Variants in GPC6 observed in about 807,000 individuals in gnomAD.
The protein encoded by GPC6 is glypican-6.
A neutral mutation model predicts 55.2 loss-of-function variants in GPC6; 14 were observed. That is an observed-to-expected ratio of 0.25 (90% CI 0.17 to 0.40). The LOEUF (loss-of-function observed/expected upper bound fraction) is 0.40. GPC6 is among the 10% of genes least tolerant of loss of function. GPC6 has a pLI of 1.00. For synonymous variants in GPC6, 278 were observed against 259.6 expected, an observed-to-expected ratio of 1.07 and a Z score of -0.68; for missense variants, 641 against 708.5, an observed-to-expected ratio of 0.90 and a Z score of 1.08.
intron 4 of GPC6, among the ~76,000 whole-genome samples, chr13:94,129,180 T>C (rs1886928359): frequency 6.6e-6 from 1 of 152,114 alleles, no homozygotes; most frequent in South Asian, 2.1e-4. Context: ...GAACAAACAA[T>C]ATAAATTGAA....
At chr13:94,226,205 T>G (rs939912745) in intron 4 of GPC6, among the ~76,000 whole-genome samples, 3 of 152,156 alleles carry the variant, frequency 2.0e-5, no homozygotes, top group African/African-American at 7.2e-5. Flanking sequence ...AGCAAGTTTA[T>G]ATACATAAAT....
chr13:94,112,587 G>A lies in GPC6; in HGVS notation c.877+84693G>A, dbSNP rs1162168367. ...AAGGACAGTGACAGCCTGGAAAATT[G>A]CATATTCTTTTCTTTTAGAATTTGC... On this transcript the variant is annotated intron_variant, in intron 4 of 8. Transcript: ENST00000377047. 2.0e-5 allele frequency among the ~76,000 whole-genome samples: 3 copies of A among 152,096 alleles called. No individual in the cohort carries two copies. In the East Asian group the frequency reaches 5.8e-4, roughly 29 times the overall value.
At chr13:93,364,122 A>G (rs1189021013) in intron 1 of GPC6, among the ~76,000 whole-genome samples, 1 of 152,184 alleles carries the variant, frequency 6.6e-6, no homozygotes, top group African/African-American at 2.4e-5. Flanking sequence ...TTTGCTGTGC[A>G]GAAGCTCTTT....
At chr13:94,345,490 T>G (rs1396780910) in intron 6 of GPC6, among the ~76,000 whole-genome samples, 2 of 152,232 alleles carry the variant, frequency 1.3e-5, no homozygotes, top group Non-Finnish European at 2.9e-5. Flanking sequence ...CATCTACTTT[T>G]ATTTAGGGCT....
chr13:94,369,559 A>G (rs1374819095), intron 6 of GPC6, among the ~76,000 whole-genome samples: 8 of 152,246 alleles, frequency 5.3e-5, no homozygotes, highest in Admixed American at 5.2e-4. Context: ...TGAGGATTGC[A>G]AAGACCCTTT....
intron 1 of GPC6, among the ~76,000 whole-genome samples, chr13:93,429,192 A>G (rs1877262014): frequency 6.6e-6 from 1 of 152,128 alleles, no homozygotes; most frequent in Non-Finnish European, 1.5e-5. Flanking sequence ...TCCTAAAGCT[A>G]ATTCCGCTTA....
chr13:94,104,795 G>A (rs1035711262), intron 4 of GPC6, among the ~76,000 whole-genome samples: 3 of 152,098 alleles, frequency 2.0e-5, no homozygotes, highest in Admixed American at 2.0e-4. Flanking sequence ...AACTACAAAC[G>A]GCTGCTCAAC....
chr13:93,998,247 A>G (rs1047315526), intron 3 of GPC6, among the ~76,000 whole-genome samples: 3 of 152,158 alleles, frequency 2.0e-5, no homozygotes, highest in Non-Finnish European at 2.9e-5. Context: ...AATATAGTAA[A>G]CTAAGAGTTG....
Position 93,369,433 on chromosome 13 carries a change from C to T in GPC6, c.160+141817C>T, listed in dbSNP as rs573247624. Reference sequence around the variant, plus strand: ...CAATAAAACAGCAATCCTAAATGTTCGTGTATCAATAATAGGATACTTTTA... The same window carrying T: ...CAATAAAACAGCAATCCTAAATGTTTGTGTATCAATAATAGGATACTTTTA... On this transcript the variant is annotated intron_variant, in intron 1 of 8. Coordinates refer to ENST00000377047, the MANE Select transcript of GPC6 (RefSeq NM_005708.5). 1.1e-4 allele frequency among the ~76,000 whole-genome samples: 16 copies of T among 152,138 alleles called. No individual in the cohort carries two copies. The South Asian group carries it at 1.9e-3, about 18-fold the overall frequency.
At chr13:93,672,009 A>C (rs777889102) in intron 2 of GPC6, among the ~76,000 whole-genome samples, 27 of 152,124 alleles carry the variant, frequency 1.8e-4, no homozygotes, top group Non-Finnish European at 3.2e-4. Context: ...AATTAGTTTA[A>C]TTACTCCCAT....
intron 2 of GPC6, among the ~76,000 whole-genome samples, chr13:93,590,584 C>T (rs142937385): frequency 2.0e-5 from 3 of 151,722 alleles, no homozygotes; most frequent in Admixed American, 6.6e-5. Context: ...TATTTCTTTT[C>T]GATAACAATA....
At chr13:94,300,377 G>A (rs1875585553) in intron 5 of GPC6, among the ~76,000 whole-genome samples, 1 of 152,088 alleles carries the variant, frequency 6.6e-6, no homozygotes, top group Non-Finnish European at 1.5e-5. Flanking sequence ...ATTTTTAAAG[G>A]AAAAATACTT....
At chr13:94,196,651 A>AC (rs1261709289) in intron 4 of GPC6, among the ~76,000 whole-genome samples, 6 of 152,138 alleles carry the variant, frequency 3.9e-5, no homozygotes, top group Admixed American at 6.5e-5. Flanking sequence ...GAAGAGTTTT[A>AC]CCCAAGTGAT....
chr13:93,330,531 A>C (rs1879807863), intron 1 of GPC6, among the ~76,000 whole-genome samples: 1 of 152,154 alleles, frequency 6.6e-6, no homozygotes, highest in Admixed American at 6.5e-5. Context: ...GTTTCAAAAA[A>C]AAAAAATGCT....
chr13:93,674,209 A>G (rs1881486635), intron 2 of GPC6, among the ~76,000 whole-genome samples: 1 of 152,132 alleles, frequency 6.6e-6, no homozygotes, highest in Non-Finnish European at 1.5e-5. Context: ...TTATTTACTA[A>G]ACACTATTGG....
At chr13:93,923,117 T>G (rs1331874143) in intron 3 of GPC6, among the ~76,000 whole-genome samples, 1 of 152,202 alleles carries the variant, frequency 6.6e-6, no homozygotes, top group African/African-American at 2.4e-5. Context: ...TTGAACAGCC[T>G]CTCACATTAA....
At chr13:93,849,231 G>A (rs1158544011) in intron 3 of GPC6, among the ~76,000 whole-genome samples, 1 of 151,950 alleles carries the variant, frequency 6.6e-6, no homozygotes, top group South Asian at 2.1e-4. Context: ...TGGGATGAAG[G>A]AGAGTAATAT....
intron 1 of GPC6, among the ~76,000 whole-genome samples, chr13:93,472,677 C>G (rs1369820169): frequency 6.6e-6 from 1 of 152,244 alleles, no homozygotes; most frequent in African/African-American, 2.4e-5. Flanking sequence ...GGGCCACAAA[C>G]TCCTTCTCTT....
intron 4 of GPC6, among the ~76,000 whole-genome samples, chr13:94,267,157 C>T (rs1355548153): frequency 6.6e-6 from 1 of 151,952 alleles, no homozygotes; most frequent in Non-Finnish European, 1.5e-5. Flanking sequence ...GGTGTATGGG[C>T]CAGGGGTGCA....
Sources: allele counts gnomAD v4.1 joint callset (sites outside exome capture counted in the v4.1 genomes callset), GRCh38; gene constraint gnomAD v4.1.1; transcripts MANE v1.5; gene names NCBI Gene and HGNC (gene_info 2026-07-23, HGNC 2026-07-21).